The following IMMP2L variants were observed in gnomAD, a reference collection of about 807,000 sequenced individuals.
IMMP2L encodes the protein mitochondrial inner membrane protease subunit 2.
Under a neutral mutation model 19.3 loss-of-function variants are expected in IMMP2L, and 18 were observed. The observed-to-expected ratio is 0.93, with a 90% CI of 0.64 to 1.38. The LOEUF is 1.38. Among genes scored for constraint, IMMP2L ranks in the 40% most tolerant of loss-of-function variants. The probability of loss-of-function intolerance (pLI) is 0.00; values close to 1 mark genes in which losing one functional copy is unlikely to be tolerated. For synonymous variants in IMMP2L, 76 were observed against 73.0 expected (o/e 1.04, Z -0.21); for missense variants, 233 against 218.2 (o/e 1.07, Z -0.43).
intron 4 of IMMP2L, among the ~76,000 whole-genome samples, chr7:110,909,435 C>T (rs544598308): frequency 5.6e-4 from 85 of 152,196 alleles, no homozygotes; most frequent in African/African-American, 2.0e-3. Flanking sequence ...TGTAGCATGG[C>T]AGGGTGTAAT....
intron 3 of IMMP2L, among the ~76,000 whole-genome samples, chr7:111,396,964 T>C (rs897182249): frequency 5.9e-5 from 9 of 151,902 alleles, no homozygotes; most frequent in African/African-American, 2.2e-4. Context: ...GGCAGGCGCC[T>C]GTAATCCCAG....
chr7:110,788,482 T>C (rs1800236993), intron 5 of IMMP2L, among the ~76,000 whole-genome samples: 1 of 151,736 alleles, frequency 6.6e-6, no homozygotes, highest in Non-Finnish European at 1.5e-5. Context: ...AGCCTGAACA[T>C]TGAAGTGCTC....
In IMMP2L at chr7:111,213,551, C is replaced by T. The variant is rs1440650311; in HGVS notation, c.240-249986G>A. On this transcript the variant is annotated intron_variant, in intron 3 of 5. Transcript: ENST00000405709. The surrounding 1 kb of genome is among the most constrained non-coding windows in gnomAD (Gnocchi z 4.8). The stretch of plus-strand genomic sequence containing the variant: ...AAACCAGAATGGGAACTTGTGGTAC[C>T]TTCCAGCCCTGCCTATGGCCACCCT... Among the ~76,000 whole-genome samples the T allele has an allele frequency of 6.6e-6, 1 of 152,170 alleles. No individual in the cohort carries two copies. The highest frequency in any genetic ancestry group is 1.5e-5 in the Non-Finnish European group (1 of 68,030).
At chr7:110,992,970 G>A (rs17158231) in intron 3 of IMMP2L, among the ~76,000 whole-genome samples, 4,629 of 152,086 alleles carry the variant, frequency 0.03, 113 homozygotes, top group South Asian at 0.077. Flanking sequence ...ATCAAAAGAG[G>A]TACATAATGT....
intron 3 of IMMP2L, among the ~76,000 whole-genome samples, chr7:110,978,138 G>A (rs538474582): frequency 1.2e-4 from 19 of 152,038 alleles, no homozygotes; most frequent in African/African-American, 3.9e-4. Flanking sequence ...GGCATAACAG[G>A]TATTCAGAAT....
At chr7:111,471,799 T>C (rs1563234390) in intron 3 of IMMP2L, among the ~76,000 whole-genome samples, 2 of 151,966 alleles carry the variant, frequency 1.3e-5, no homozygotes, top group Non-Finnish European at 2.9e-5. Context: ...TTCAGAAAGG[T>C]TCCATCACAG....
chr7:111,113,691 A>G (rs1388455062), intron 3 of IMMP2L, among the ~76,000 whole-genome samples: 1 of 151,894 alleles, frequency 6.6e-6, no homozygotes, highest in Non-Finnish European at 1.5e-5. Flanking sequence ...AATGCAGGAT[A>G]ATTGAAAGAG....
chr7:111,430,240 C>G (rs908614834), intron 3 of IMMP2L, among the ~76,000 whole-genome samples: 1 of 151,576 alleles, frequency 6.6e-6, no homozygotes, highest in Non-Finnish European at 1.5e-5. Context: ...TAAAGAAATA[C>G]GTTTGAATTT....
Position 111,487,162 on chromosome 7 carries a change from C to G in IMMP2L, c.239+76G>C, listed in dbSNP as rs113293153. ...TTAATAATTGGCAATATGATATTAA[C>G]AGTGGATTACCAGTTAAATCAGCAT... is the stretch of plus-strand genomic sequence containing the variant. On this transcript the variant is annotated intron_variant, in intron 3 of 5. Transcript: ENST00000405709. 8.7e-4 allele frequency: 578 copies of G among 661,464 alleles called. 3 individuals carry two copies. The African/African-American group carries it at 9.6e-3, about 11-fold the overall frequency. The allele number at this position is 661,464 out of a possible 1,614,324, so 41.0% of individuals were successfully genotyped here. A position where few individuals can be genotyped will look rare whatever the true frequency, so the allele number is the denominator to read the frequency against.
At chr7:110,867,699 G>C (rs922127894) in intron 5 of IMMP2L, among the ~76,000 whole-genome samples, 3 of 151,912 alleles carry the variant, frequency 2.0e-5, no homozygotes, top group African/African-American at 7.3e-5. Flanking sequence ...TTGAACAGCA[G>C]CACCATTCCC....
chr7:111,493,781 G>T (rs1843328360), intron 2 of IMMP2L, among the ~76,000 whole-genome samples: 1 of 150,642 alleles, frequency 6.6e-6, no homozygotes, highest in African/African-American at 2.4e-5. Context: ...GCCGAGGCAG[G>T]CAGATCATGA....
intron 3 of IMMP2L, among the ~76,000 whole-genome samples, chr7:111,435,448 C>A (rs529766223): frequency 6.6e-6 from 1 of 151,906 alleles, no homozygotes; most frequent in Admixed American, 6.5e-5. Flanking sequence ...ACTTCATATT[C>A]TCACTTATAA....
intron 5 of IMMP2L, among the ~76,000 whole-genome samples, chr7:110,770,323 C>T (rs1012046110): frequency 2.0e-5 from 3 of 152,026 alleles, no homozygotes; most frequent in Admixed American, 6.6e-5. Flanking sequence ...GTGCAATGTG[C>T]CCCCCAATAT....
chr7:111,087,678 T>C (rs908803842), intron 3 of IMMP2L, among the ~76,000 whole-genome samples: 3 of 152,088 alleles, frequency 2.0e-5, no homozygotes, highest in African/African-American at 7.2e-5. Context: ...GAGAATCTTA[T>C]ATGCTAAAAG....
chr7:110,798,017 A>C (rs1243959347), intron 5 of IMMP2L, among the ~76,000 whole-genome samples: 2 of 152,038 alleles, frequency 1.3e-5, no homozygotes, highest in African/African-American at 4.8e-5. Context: ...AACACAAAAG[A>C]AATGCCAAAG....
chr7:110,835,647 A>G (rs1563010984), intron 5 of IMMP2L, among the ~76,000 whole-genome samples: 1 of 149,758 alleles, frequency 6.7e-6, no homozygotes, highest in Non-Finnish European at 1.5e-5. Flanking sequence ...ACTCAGTAGC[A>G]TTTTTTTTTT....
intron 3 of IMMP2L, among the ~76,000 whole-genome samples, chr7:111,167,433 A>C (rs1326663135): frequency 6.6e-6 from 1 of 151,784 alleles, no homozygotes; most frequent in Non-Finnish European, 1.5e-5. Context: ...TTTGCACAAA[A>C]CCTTGCTGGT....
intron 1 of IMMP2L, among the ~76,000 whole-genome samples, chr7:111,532,178 C>A (rs755994664): frequency 1.3e-5 from 2 of 152,108 alleles, no homozygotes; most frequent in Non-Finnish European, 1.5e-5. Flanking sequence ...TCACTAGAAA[C>A]CATGTGACAG....
At chr7:110,868,661 AT>A (rs1285340053) in intron 5 of IMMP2L, among the ~76,000 whole-genome samples, 1 of 152,116 alleles carries the variant, frequency 6.6e-6, no homozygotes. Flanking sequence ...ATGAACTGGC[AT>A]TGGGCAGGCA....
Sources: gnomAD v4.1 joint callset for allele counts (sites outside exome capture counted in the v4.1 genomes callset) on GRCh38, gnomAD v4.1.1 for gene constraint, Gnocchi (gnomAD v3.1) non-coding constraint, MANE v1.5 for transcripts, NCBI Gene and HGNC (gene_info 2026-07-23, HGNC 2026-07-21) for gene names.